Variants in GLDC observed in about 807,000 individuals in gnomAD.
The protein encoded by GLDC is glycine decarboxylase, also known as glycine dehydrogenase (decarboxylating), mitochondrial.
In GLDC, 104 loss-of-function variants were observed where a neutral mutation model predicts 121.3. That is an observed-to-expected ratio of 0.86 (90% CI 0.73 to 1.01). The LOEUF is 1.01. Among genes scored for constraint, GLDC ranks in the 50% least tolerant of loss-of-function variants. The pLI, the probability that GLDC is intolerant of heterozygous loss-of-function variation, is 0.00. For synonymous variants in GLDC, 546 were observed against 480.6 expected (o/e 1.14, Z -1.78); for missense variants, 1,429 against 1,306.6 (o/e 1.09, Z -1.44).
intron 4 of GLDC, among the ~76,000 whole-genome samples, chr9:6,609,756 C>T (rs1294964685): frequency 1.3e-5 from 2 of 152,058 alleles, no homozygotes; most frequent in African/African-American, 2.4e-5. Flanking sequence ...AGCCTCACTG[C>T]CCTGCCTTGA....
At position 6,589,227 on chromosome 9, in the gene GLDC, G is replaced by C; in HGVS notation, c.1548C>G (p.Thr516=). The change falls in exon 12 of 25, where the codon ACC becomes ACG. Residue 516 remains threonine, a synonymous_variant. Transcript: ENST00000321612. ...RGIPGSVFKR[T]SPFLTHQVFN... ...ACACTTGATGGGTGAGGAACGGGCT[G>C]GTCCTCTTGAACACAGACCCTGGAA... 1 of 1,608,376 alleles carries C rather than the reference G, an allele frequency of 6.2e-7. No homozygotes were observed. Among genetic ancestry groups the C allele is most frequent in the Non-Finnish European group, 8.5e-7 (1 of 1,174,858 alleles).
At chr9:6,596,160 G>T (rs1442974625) in intron 8 of GLDC, among the ~76,000 whole-genome samples, 1 of 152,160 alleles carries the variant, frequency 6.6e-6, no homozygotes, top group African/African-American at 2.4e-5. Context: ...GTGCCCAAAT[G>T]CTCATGGCTG....
At chr9:6,578,289 T>G (rs1414074540) in intron 15 of GLDC, among the ~76,000 whole-genome samples, 1 of 151,692 alleles carries the variant, frequency 6.6e-6, no homozygotes, top group Non-Finnish European at 1.5e-5. Context: ...CTGGCTAATT[T>G]TTTAATTTGT....
chr9:6,619,454 G>A (rs374508870), intron 3 of GLDC, among the ~76,000 whole-genome samples: 6 of 152,194 alleles, frequency 3.9e-5, no homozygotes, highest in South Asian at 2.1e-4. Context: ...AGGGCCAGGC[G>A]CAGTGGCTCA....
intron 7 of GLDC, among the ~76,000 whole-genome samples, chr9:6,604,270 A>G (rs1292262533): frequency 2.0e-5 from 3 of 152,212 alleles, no homozygotes; most frequent in Non-Finnish European, 4.4e-5. Flanking sequence ...TGCTTTTGAG[A>G]ACGAAAACTG....
At chr9:6,642,854 C>G (rs1376051602) in intron 2 of GLDC, among the ~76,000 whole-genome samples, 1 of 152,118 alleles carries the variant, frequency 6.6e-6, no homozygotes, top group Non-Finnish European at 1.5e-5. Context: ...CAACTCTTCA[C>G]TCTTCACACA....
chr9:6,579,806 C>T (rs1394438867), intron 15 of GLDC, among the ~76,000 whole-genome samples: 1 of 152,212 alleles, frequency 6.6e-6, no homozygotes, highest in East Asian at 1.9e-4. Context: ...GCCCGGGCAA[C>T]CTGTTCTGAG....
intron 16 of GLDC, 102 bp downstream of exon 16, chr9:6,565,252 T>G: frequency 1.2e-6 from 1 of 841,606 alleles, no homozygotes; most frequent in South Asian, 1.3e-5. Flanking sequence ...TTCCCTCATC[T>G]GCTTCCAAGA....
At chr9:6,564,878 A>C (rs1817824410) in intron 16 of GLDC, among the ~76,000 whole-genome samples, 1 of 152,242 alleles carries the variant, frequency 6.6e-6, no homozygotes, top group African/African-American at 2.4e-5. Flanking sequence ...TTGGTGCTTG[A>C]AGTTGAGAAT....
chr9:6,541,853 T>C lies in GLDC; in HGVS notation c.2570-1707A>G, dbSNP rs541151262. 4 of 106,114 alleles carry C rather than the reference T, an allele frequency of 3.8e-5. No homozygotes were observed. The East Asian group carries it at 1.1e-3, about 30-fold the overall frequency. The allele number at this position is 106,114 out of a possible 1,614,324, so 6.6% of individuals were successfully genotyped here. On this transcript the variant is annotated intron_variant, in intron 21 of 24. Transcript: ENST00000321612. ...AAAAAAAAAAAGAAGTGGTTTTGTT[T>C]GAAAATAAAACTATAAAGAGCGTAA...
chr9:6,573,523 G>A (rs1452907278), intron 15 of GLDC, among the ~76,000 whole-genome samples: 1 of 151,774 alleles, frequency 6.6e-6, no homozygotes, highest in African/African-American at 2.4e-5. Flanking sequence ...CATCATCAGT[G>A]CAGAAGGGTT....
chr9:6,643,751 G>C (rs1001186038), intron 2 of GLDC, among the ~76,000 whole-genome samples: 4 of 151,728 alleles, frequency 2.6e-5, no homozygotes, highest in Non-Finnish European at 5.9e-5. Context: ...AAACCATTCG[G>C]GGTAGGGCAC....
At chr9:6,587,072 CT>C in intron 15 of GLDC, 68 bp downstream of exon 15, 1 of 1,311,104 alleles carries the variant, frequency 7.6e-7, no homozygotes, top group Non-Finnish European at 1.1e-6. Flanking sequence ...TGTTCTAAGC[CT>C]TTAAGTTTTG....
intron 10 of GLDC, among the ~76,000 whole-genome samples, chr9:6,592,537 C>A (rs989344655): frequency 1.3e-5 from 2 of 152,138 alleles, no homozygotes; most frequent in South Asian, 4.1e-4. Flanking sequence ...ATTTTCTTCC[C>A]TTAACCTGTA....
At chr9:6,631,159 T>C (rs1349389484) in intron 2 of GLDC, among the ~76,000 whole-genome samples, 1 of 152,244 alleles carries the variant, frequency 6.6e-6, no homozygotes, top group African/African-American at 2.4e-5. Flanking sequence ...GCTCTAAGCC[T>C]GCCAGGCTCT....
At chr9:6,588,273 A>C in intron 14 of GLDC, 128 bp downstream of exon 14, 1 of 791,162 alleles carries the variant, frequency 1.3e-6, no homozygotes. Context: ...TAGCAAGGTA[A>C]AGAATTATTA....
chr9:6,573,442 C>T (rs1047023855), intron 15 of GLDC, among the ~76,000 whole-genome samples: 11 of 151,866 alleles, frequency 7.2e-5, no homozygotes, highest in African/African-American at 2.7e-4. Flanking sequence ...GCCTGGGCAA[C>T]AGAGCAAGAC....
chr9:6,598,423 C>A (rs1379201755), intron 8 of GLDC, among the ~76,000 whole-genome samples: 1 of 152,152 alleles, frequency 6.6e-6, no homozygotes, highest in African/African-American at 2.4e-5. Context: ...GAATCATTAA[C>A]ACACTTTCAG....
chr9:6,644,029 C>CAAAAAAAAAAAAAAAAAAAAACCAAAAAA (rs1819683766), intron 2 of GLDC, among the ~76,000 whole-genome samples: 1 of 18,334 alleles, frequency 5.5e-5, no homozygotes, highest in Non-Finnish European at 9.8e-5. Flanking sequence ...GATTCTGTCT[C>CAAAAAAAAAAAAAAAAAAAAACCAAAAAA]AAAAAAAAAA....
Sources: allele counts gnomAD v4.1 joint callset (sites outside exome capture counted in the v4.1 genomes callset), GRCh38; gene constraint gnomAD v4.1.1; transcripts MANE v1.5; gene names NCBI Gene and HGNC (gene_info 2026-07-23, HGNC 2026-07-21).